Variants in DDB2 observed in about 807,000 individuals in gnomAD.
The protein encoded by DDB2 is damage specific DNA binding protein 2.
Under a neutral mutation model 50.5 loss-of-function variants are expected in DDB2, and 27 were observed. The observed-to-expected ratio is 0.53, with a 90% CI of 0.39 to 0.74. The LOEUF (loss-of-function observed/expected upper bound fraction) is 0.74. Ranked by LOEUF, DDB2 falls within the 30% of genes least tolerant of loss-of-function variation. The pLI, the probability that DDB2 is intolerant of heterozygous loss-of-function variation, is 0.00. For synonymous variants in DDB2, 176 were observed against 205.5 expected (o/e 0.86, Z 1.23); for missense variants, 424 against 545.6 (o/e 0.78, Z 2.22).
chr11:47,233,352 T>C (rs1428964352), intron 4 of DDB2: 3 of 294,148 alleles, frequency 1.0e-5, no homozygotes, highest in Admixed American at 4.4e-5. Flanking sequence ...TGGAAGCTTA[T>C]ATGGATGGAA....
Position 47,224,530 on chromosome 11 carries a change from G to A in DDB2, c.456+7481G>A, listed in dbSNP as rs533246784. 3.9e-5 allele frequency among the ~76,000 whole-genome samples: 6 copies of A among 152,190 alleles called. No homozygotes were observed. The South Asian group carries it at 1.0e-3, about 26-fold the overall frequency. Reference sequence around the variant, plus strand: ...CTCCTGAAGTGCTGGGATTACAGGCGTGAGCCACCTTGCCCAGCCCATTAT... The same window carrying A: ...CTCCTGAAGTGCTGGGATTACAGGCATGAGCCACCTTGCCCAGCCCATTAT... On this transcript the variant is annotated intron_variant, in intron 3 of 9. Transcript: ENST00000256996.
At chr11:47,237,559 T>C (rs1953747733) in intron 7 of DDB2, 2 of 393,144 alleles carry the variant, frequency 5.1e-6, no homozygotes, top group Non-Finnish European at 9.7e-6. Context: ...GCCTCCCAAG[T>C]AGCTGGGACT....
rs186242614 is a variant in DDB2 at position 47,234,563 on chromosome 11, C to G, written c.603-10C>G. 8 of 1,611,310 alleles carry G rather than the reference C, an allele frequency of 5.0e-6. 1 individual carries two copies. In the South Asian group the frequency reaches 8.8e-5, roughly 18 times the overall value. ...CCCCAAGAATCTTACAACACAGTCTCTCCCTCCAGCATCTGGTTTTGTAGC... is the reference window on the plus strand; with the variant it reads ...CCCCAAGAATCTTACAACACAGTCTGTCCCTCCAGCATCTGGTTTTGTAGC... On this transcript the variant is annotated splice_polypyrimidine_tract_variant and intron_variant, in intron 4 of 9. Coordinates refer to ENST00000256996, the MANE Select transcript of DDB2 (RefSeq NM_000107.3).
intron 3 of DDB2, among the ~76,000 whole-genome samples, chr11:47,228,642 C>CAAAA (rs61273211): frequency 9.0e-5 from 6 of 66,940 alleles, no homozygotes; most frequent in South Asian, 9.5e-4. Context: ...GACTCTGTCT[C>CAAAA]AAAAAAAAAA....
intron 3 of DDB2, 200 bp downstream of exon 3, chr11:47,217,249 G>C (rs1590988823): frequency 2.1e-6 from 1 of 484,524 alleles, no homozygotes; most frequent in South Asian, 1.9e-5. Context: ...GGTGGCAGGC[G>C]CCTATAATCC....
In DDB2 at chr11:47,220,010, C is replaced by T. The variant is rs143611676; in HGVS notation, c.456+2961C>T. Reference sequence around the variant, plus strand: ...TTCACCGTGTTAGCCATGATGGTCTCGATCTCCTGACCTCGTGATCCGCCC... The same window carrying T: ...TTCACCGTGTTAGCCATGATGGTCTTGATCTCCTGACCTCGTGATCCGCCC... On this transcript the variant is annotated intron_variant, in intron 3 of 9. Transcript: ENST00000256996. Among the ~76,000 whole-genome samples, 829 of 152,172 alleles carry T rather than the reference C, an allele frequency of 5.4e-3. 3 individuals are homozygous for T. Among genetic ancestry groups the T allele is most frequent in the African/African-American group, 0.019 (768 of 41,506 alleles).
intron 4 of DDB2, 137 bp from the exon 5 acceptor site, chr11:47,234,436 C>A: frequency 1.3e-6 from 1 of 773,200 alleles, no homozygotes. Context: ...ACTAGGAATC[C>A]ACGGCAAGAC....
In DDB2 at chr11:47,216,333, C is replaced by T. The variant is rs777879172; in HGVS notation, c.128-3C>T. On this transcript the variant is annotated splice_polypyrimidine_tract_variant and splice_region_variant and intron_variant, in intron 1 of 9. Coordinates refer to ENST00000256996, the MANE Select transcript of DDB2 (RefSeq NM_000107.3). ...AGGAAAATATGTCTGTTCTGCTTGGCAGGTCCTAGCAGAAGATGTGACTCA... is the reference window on the plus strand; with the variant it reads ...AGGAAAATATGTCTGTTCTGCTTGGTAGGTCCTAGCAGAAGATGTGACTCA... The T allele has an allele frequency of 1.2e-6, 2 of 1,614,162 alleles. No homozygotes were observed. The highest frequency in any genetic ancestry group is 2.2e-5 in the East Asian group (1 of 44,880).
chr11:47,238,987 G>C lies in DDB2; in HGVS notation c.*138G>C. 1 of 829,176 alleles carries C rather than the reference G, an allele frequency of 1.2e-6. No individual in the cohort carries two copies. The allele number at this position is 829,176 out of a possible 1,614,324, so 51.4% of individuals were successfully genotyped here. ...GTTGGAGCAGGGGTGCTGGGACCTG[G>C]GGCACTGTGGGACTGGGACACTTTT... On this transcript the variant is annotated 3_prime_UTR_variant, in exon 10 of 10. Coordinates refer to ENST00000256996, the MANE Select transcript of DDB2 (RefSeq NM_000107.3).
Position 47,232,877 on chromosome 11 carries a change from G to A in DDB2, c.520G>A (p.Ala174Thr), listed in dbSNP as rs964277772. The A allele has an allele frequency of 9.3e-6, 15 of 1,613,910 alleles. No homozygotes were observed. Among genetic ancestry groups the A allele is most frequent in the South Asian group, 1.1e-5 (1 of 91,084 alleles). Residue 174 changes from alanine (A) to threonine (T), a missense_variant, in exon 4 of 10, where the codon GCC becomes ACC. Physicochemically the swap from Ala to Thr is moderately conservative, Grantham distance 58. Transcript: ENST00000256996. ...CCCTCTCAATACCAACCAGTTTTACGCCTCCTCAATGGAGGGAACAACTAG... is the reference window on the plus strand; with the variant it reads ...CCCTCTCAATACCAACCAGTTTTACACCTCCTCAATGGAGGGAACAACTAG... ...FNPLNTNQFY[A>T]SSMEGTTRLQ...
At chr11:47,237,140 G>A (rs1178271495) in intron 7 of DDB2, among the ~76,000 whole-genome samples, 1 of 152,136 alleles carries the variant, frequency 6.6e-6, no homozygotes, top group Non-Finnish European at 1.5e-5. Context: ...TGACAGTGGG[G>A]CTCCTCCAGA....
intron 3 of DDB2, among the ~76,000 whole-genome samples, chr11:47,224,612 C>T (rs1953531232): frequency 6.6e-6 from 1 of 152,084 alleles, no homozygotes; most frequent in Non-Finnish European, 1.5e-5. Context: ...CTTGGGACTG[C>T]GATTACATAT....
chr11:47,215,249 G>T lies in DDB2; in HGVS notation c.113G>T (p.Cys38Phe). ...CTGGAGCCCGAGGCCAAGAAGCTCT[G>T]TGCGAAGGGCTCCGGTACTGCCTGT... ...LELEPEAKKL[C>F]AKGSGPSRRC... is the part of the protein sequence containing the mutation. The change falls in exon 1 of 10, where the codon TGT becomes TTT. Residue 38 changes from cysteine (C) to phenylalanine (F), a missense_variant. Coordinates refer to ENST00000256996, the MANE Select transcript of DDB2 (RefSeq NM_000107.3). The T allele has an allele frequency of 6.2e-7, 1 of 1,613,976 alleles. No individual in the cohort carries two copies.
chr11:47,217,767 T>C (rs1291005791), intron 3 of DDB2, among the ~76,000 whole-genome samples: 1 of 152,046 alleles, frequency 6.6e-6, no homozygotes, highest in Non-Finnish European at 1.5e-5. Context: ...GGTGTGCGCC[T>C]GTAGTCCCAG....
In DDB2 at chr11:47,215,128, G is replaced by C; in HGVS notation, c.-9G>C. ...ATAGAGCACAGTACCCCTTCACACG[G>C]AGGACGCGATGGCTCCCAAGAAACG... is the stretch of plus-strand genomic sequence containing the variant. On this transcript the variant is annotated 5_prime_UTR_variant, in exon 1 of 10. Coordinates refer to ENST00000256996, the MANE Select transcript of DDB2 (RefSeq NM_000107.3). 6.8e-6 allele frequency: 11 copies of C among 1,614,000 alleles called. No homozygotes were observed. The highest frequency in any genetic ancestry group is 8.5e-6 in the Non-Finnish European group (10 of 1,179,990).
intron 7 of DDB2, among the ~76,000 whole-genome samples, chr11:47,236,763 A>C (rs1490915543): frequency 6.6e-6 from 1 of 152,212 alleles, no homozygotes; most frequent in Non-Finnish European, 1.5e-5. Flanking sequence ...CTCTTAATAA[A>C]TAATGTCAAG....
At chr11:47,225,737 T>C (rs556138833) in intron 3 of DDB2, among the ~76,000 whole-genome samples, 1 of 152,314 alleles carries the variant, frequency 6.6e-6, no homozygotes, top group Admixed American at 6.5e-5. Context: ...CTTGTAAAAC[T>C]GAAACTCTAT....
At chr11:47,229,507 T>C (rs1392463519) in intron 3 of DDB2, among the ~76,000 whole-genome samples, 1 of 151,982 alleles carries the variant, frequency 6.6e-6, no homozygotes, top group Non-Finnish European at 1.5e-5. Context: ...AGACGTGCAT[T>C]TGGGGAGTGT....
chr11:47,215,322 C>T, intron 1 of DDB2, 59 bp downstream of exon 1: 2 of 1,610,944 alleles, frequency 1.2e-6, no homozygotes, highest in East Asian at 2.2e-5. Flanking sequence ...GCGCAGGAGG[C>T]TGCAGCGGGG....
Sources: allele counts gnomAD v4.1 joint callset (sites outside exome capture counted in the v4.1 genomes callset), GRCh38; gene constraint gnomAD v4.1.1; transcripts MANE v1.5; gene names NCBI Gene and HGNC (gene_info 2026-07-23, HGNC 2026-07-21).